NAV3: variants seen among roughly 807,000 people sequenced by gnomAD.
NAV3 encodes the protein neuron navigator 3, also known as pore membrane and/or filament interacting like protein 1.
NAV3 carries 87 observed loss-of-function variants against 244.7 expected under a neutral mutation model. The observed-to-expected ratio is 0.36, with a 90% CI of 0.30 to 0.42. The LOEUF is 0.42. Ranked by LOEUF, NAV3 falls within the 20% of genes least tolerant of loss-of-function variation. NAV3 has a pLI of 1.00. For missense variants in NAV3, 2,663 were observed against 2,893.3 expected (o/e 0.92, Z 1.83); for synonymous variants, 1,126 against 1,042.2 (o/e 1.08, Z -1.55).
At chr12:77,773,891 A>G (rs1870223187) in intron 2 of NAV3, among the ~76,000 whole-genome samples, 1 of 152,184 alleles carries the variant, frequency 6.6e-6, no homozygotes, top group Non-Finnish European at 1.5e-5. Context: ...TCTTGCATTC[A>G]TAGGCTACCC....
intron 12 of NAV3, among the ~76,000 whole-genome samples, chr12:78,103,581 A>G (rs974676139): frequency 6.6e-6 from 1 of 152,142 alleles, no homozygotes; most frequent in African/African-American, 2.4e-5. Context: ...CCGTTTTCAC[A>G]CTGTTGATAA....
At chr12:78,192,352 A>C (rs1363398669) in intron 34 of NAV3, among the ~76,000 whole-genome samples, 1 of 151,950 alleles carries the variant, frequency 6.6e-6, no homozygotes, top group Non-Finnish European at 1.5e-5. Flanking sequence ...GCTAGGAAAC[A>C]GTCATAGGAA....
chr12:77,787,904 T>C (rs1870981865), intron 2 of NAV3, among the ~76,000 whole-genome samples: 2 of 152,354 alleles, frequency 1.3e-5, no homozygotes, highest in South Asian at 2.1e-4. Flanking sequence ...TAGATTTAAA[T>C]GGCAGCATAT....
Position 77,803,295 on chromosome 12 carries a change from AG to A in NAV3, c.73-137022del, listed in dbSNP as rs1421231115. ...CTCTCCTAGCCCCCCATCCCCCAAC[AG>A]GCCCTGGTGTATGATGTTTCCCTCC... On this transcript the variant is annotated intron_variant, in intron 2 of 8. Transcript: ENST00000550042. Among the ~76,000 whole-genome samples, 8 of 152,058 alleles carry A rather than the reference AG, an allele frequency of 5.3e-5. No homozygotes were observed. In the East Asian group the frequency reaches 1.6e-3, roughly 30 times the overall value.
At chr12:77,993,843 G>C (rs74108216) in intron 5 of NAV3, among the ~76,000 whole-genome samples, 3 of 152,012 alleles carry the variant, frequency 2.0e-5, no homozygotes, top group Admixed American at 1.3e-4. Flanking sequence ...CACAGCAACC[G>C]GATTCATGTC....
At chr12:77,957,359 T>C (rs1029468258) in intron 3 of NAV3, among the ~76,000 whole-genome samples, 12 of 152,214 alleles carry the variant, frequency 7.9e-5, no homozygotes, top group African/African-American at 2.9e-4. Flanking sequence ...TGTGCCATGG[T>C]TTAGATTTAA....
intron 2 of NAV3, among the ~76,000 whole-genome samples, chr12:77,584,869 A>G (rs989339183): frequency 6.6e-6 from 1 of 152,194 alleles, no homozygotes; most frequent in African/African-American, 2.4e-5. Flanking sequence ...AATGTAGGGT[A>G]AAAGGATTGT....
At chr12:77,939,132 G>A (rs1039879421) in intron 1 of NAV3, among the ~76,000 whole-genome samples, 2 of 151,994 alleles carry the variant, frequency 1.3e-5, no homozygotes, top group Non-Finnish European at 2.9e-5. Context: ...TGCTTTGTTA[G>A]AAATGTTTAA....
At chr12:77,828,128 G>A (rs1351361668), upstream of NAV3, among the ~76,000 whole-genome samples, 1 of 152,118 alleles carries the variant, frequency 6.6e-6, no homozygotes, top group African/African-American at 2.4e-5. Flanking sequence ...AGGTGAGTAG[G>A]CCATGAGAAC....
intron 22 of NAV3, among the ~76,000 whole-genome samples, chr12:78,156,171 T>C (rs1957297203): frequency 6.6e-6 from 1 of 152,164 alleles, no homozygotes; most frequent in Non-Finnish European, 1.5e-5. Context: ...TTAATTTTTG[T>C]ATAAGGTATA....
intron 2 of NAV3, among the ~76,000 whole-genome samples, chr12:77,794,579 T>A (rs1000555826): frequency 1.3e-5 from 2 of 152,230 alleles, no homozygotes; most frequent in African/African-American, 4.8e-5. Context: ...CCTTGTGTTG[T>A]GCTTTGGTTT....
Position 77,844,930 on chromosome 12 carries a change from A to G in NAV3, c.243+13226A>G, listed in dbSNP as rs147029340. Among the ~76,000 whole-genome samples the G allele has an allele frequency of 2.5e-3, 388 of 152,252 alleles. 2 individuals are homozygous for G. Among genetic ancestry groups the G allele is most frequent in the African/African-American group, 8.7e-3 (363 of 41,548 alleles). ...CTTTGGGATTAGGACAAGAATAGCA[A>G]CCTCACTTAATTGTAGCCAGAAATA... is the stretch of plus-strand genomic sequence containing the variant. On this transcript the variant is annotated intron_variant, in intron 1 of 39. Coordinates refer to ENST00000397909, the MANE Select transcript of NAV3 (RefSeq NM_001024383.2).
At chr12:78,155,426 G>A (rs531395273) in intron 22 of NAV3, among the ~76,000 whole-genome samples, 2 of 151,878 alleles carry the variant, frequency 1.3e-5, no homozygotes, top group South Asian at 2.1e-4. Flanking sequence ...TTTATCATTG[G>A]CATTTGGGTT....
At chr12:77,800,618 A>G (rs895668920) in intron 2 of NAV3, among the ~76,000 whole-genome samples, 2 of 152,158 alleles carry the variant, frequency 1.3e-5, no homozygotes, top group African/African-American at 2.4e-5. Flanking sequence ...TTTACTGTTT[A>G]AAGTTTACTG....
chr12:78,184,822 A>G (rs1479791694), intron 30 of NAV3, among the ~76,000 whole-genome samples: 3 of 151,816 alleles, frequency 2.0e-5, no homozygotes, highest in Non-Finnish European at 4.4e-5. Context: ...GCATGGTTCT[A>G]TGATAGTATT....
At chr12:77,869,013 A>G (rs1378377939) in intron 1 of NAV3, among the ~76,000 whole-genome samples, 1 of 151,830 alleles carries the variant, frequency 6.6e-6, no homozygotes, top group African/African-American at 2.4e-5. Flanking sequence ...TGGAGGTTGC[A>G]GTGAACCGAG....
intron 24 of NAV3, among the ~76,000 whole-genome samples, chr12:78,172,795 A>G (rs528416849): frequency 6.6e-5 from 10 of 151,760 alleles, no homozygotes; most frequent in African/African-American, 2.4e-4. Context: ...AAGAACTGAC[A>G]AGATTACTGA....
intron 12 of NAV3, among the ~76,000 whole-genome samples, chr12:78,073,748 A>T (rs1362773744): frequency 6.6e-6 from 1 of 152,176 alleles, no homozygotes; most frequent in African/African-American, 2.4e-5. Flanking sequence ...TCCTAAGCCA[A>T]AAAAACAAAG....
At chr12:77,998,533 T>A (rs1360364949) in intron 7 of NAV3, 57 bp downstream of exon 7, 2 of 1,494,388 alleles carry the variant, frequency 1.3e-6, no homozygotes, top group Admixed American at 4.4e-5. Flanking sequence ...GTGAATTGCA[T>A]GCTAAATCTA....
Sources: allele counts gnomAD v4.1 joint callset (sites outside exome capture counted in the v4.1 genomes callset), GRCh38; gene constraint gnomAD v4.1.1; transcripts MANE v1.5; gene names NCBI Gene and HGNC (gene_info 2026-07-23, HGNC 2026-07-21).